Variants in MSH4 observed in about 807,000 individuals in gnomAD.
MSH4 encodes mutS protein homolog 4.
A neutral mutation model predicts 113.7 loss-of-function variants in MSH4; 106 were observed. The ratio of observed to expected loss-of-function variants is 0.93; its 90% CI spans 0.80 to 1.10. The LOEUF (loss-of-function observed/expected upper bound fraction) is 1.10. Among genes scored for constraint, MSH4 ranks in the 50% least tolerant of loss-of-function variants. The pLI is 0.00. For missense variants in MSH4, 1,061 were observed against 1,093.7 expected (o/e 0.97, Z 0.42); for synonymous variants, 368 against 380.2 (o/e 0.97, Z 0.37).
intron 4 of MSH4, among the ~76,000 whole-genome samples, chr1:75,814,181 G>T (rs1650247115): frequency 6.6e-6 from 1 of 151,150 alleles, no homozygotes; most frequent in Admixed American, 6.6e-5. Context: ...ACCGGGTGCT[G>T]ATGTCTCACA....
At chr1:75,871,458 C>G (rs1026316001) in intron 9 of MSH4, among the ~76,000 whole-genome samples, 1 of 151,960 alleles carries the variant, frequency 6.6e-6, no homozygotes, top group Admixed American at 6.6e-5. Context: ...GAAAATGACC[C>G]AAAGAAGGAA....
chr1:75,834,367 T>C (rs1170205879), intron 7 of MSH4, among the ~76,000 whole-genome samples: 1 of 152,194 alleles, frequency 6.6e-6, no homozygotes, highest in Non-Finnish European at 1.5e-5. Flanking sequence ...TGGAAGACAG[T>C]GTGGTGATTC....
chr1:75,878,618 A>C (rs772622033), intron 11 of MSH4, among the ~76,000 whole-genome samples: 6 of 152,170 alleles, frequency 3.9e-5, no homozygotes, highest in African/African-American at 1.4e-4. Flanking sequence ...AGCCTTGGCA[A>C]CATAGCTAGT....
In MSH4 at chr1:75,899,610, A is replaced by G. The variant is rs1266255541; in HGVS notation, c.2531-8A>G. ...TATTGAAGCCAAATTTAAAACAAAT[A>G]ATTCTAGGATTAAAAGCTGCAGAGG... On this transcript the variant is annotated splice_region_variant and splice_polypyrimidine_tract_variant and intron_variant, in intron 18 of 19. Coordinates refer to ENST00000263187, the MANE Select transcript of MSH4 (RefSeq NM_002440.4). The G allele has an allele frequency of 1.4e-6, 2 of 1,473,282 alleles. No individual in the cohort carries two copies. 91.3% of individuals were successfully genotyped at this position (1,473,282 alleles called of 1,614,324 possible).
chr1:75,906,342 G>C (rs191636516), intron 19 of MSH4, among the ~76,000 whole-genome samples: 1 of 138,646 alleles, frequency 7.2e-6, no homozygotes, highest in Non-Finnish European at 1.5e-5. Context: ...TTTGTTACTT[G>C]TTATCTGGTT....
At chr1:75,832,415 A>C (rs1057369238) in intron 7 of MSH4, among the ~76,000 whole-genome samples, 4 of 152,118 alleles carry the variant, frequency 2.6e-5, no homozygotes, top group Non-Finnish European at 4.4e-5. Flanking sequence ...AAAAGAGGGA[A>C]TCCTCCCTAA....
At chr1:75,824,365 G>C (rs1650497725) in intron 7 of MSH4, among the ~76,000 whole-genome samples, 1 of 152,154 alleles carries the variant, frequency 6.6e-6, no homozygotes, top group Non-Finnish European at 1.5e-5. Flanking sequence ...GTGGATTCTG[G>C]ATTTTAGAGC....
intron 7 of MSH4, among the ~76,000 whole-genome samples, chr1:75,829,076 A>T (rs1046584513): frequency 2.0e-5 from 3 of 151,984 alleles, no homozygotes; most frequent in Non-Finnish European, 4.4e-5. Flanking sequence ...AAATTGGGAC[A>T]CTCCCACCCT....
At chr1:75,880,024 A>T in intron 12 of MSH4, 26 bp from the exon 13 acceptor site, 1 of 1,144,686 alleles carries the variant, frequency 8.7e-7, no homozygotes, top group Non-Finnish European at 1.3e-6. Context: ...ATTTATCTTG[A>T]CATTTGTTTT....
chr1:75,907,324 TA>T (rs1177956113), intron 19 of MSH4, among the ~76,000 whole-genome samples: 1 of 152,102 alleles, frequency 6.6e-6, no homozygotes, highest in African/African-American at 2.4e-5. Context: ...TTGAATCTGT[TA>T]TTCCACTCCC....
intron 14 of MSH4, among the ~76,000 whole-genome samples, chr1:75,882,766 C>T (rs891010981): frequency 2.0e-5 from 3 of 151,470 alleles, no homozygotes; most frequent in African/African-American, 7.3e-5. Flanking sequence ...TGGCTTGAGC[C>T]CAGGAGTTTG....
chr1:75,912,582 A>G (rs985796110), intron 19 of MSH4, 114 bp from the exon 20 acceptor site: 1 of 549,256 alleles, frequency 1.8e-6, no homozygotes, highest in Non-Finnish European at 2.8e-6. Flanking sequence ...GAATTAGTTA[A>G]CCCTTGAGTT....
At chr1:75,896,371 A>G (rs1652383940) in intron 17 of MSH4, among the ~76,000 whole-genome samples, 1 of 149,784 alleles carries the variant, frequency 6.7e-6, no homozygotes, top group South Asian at 2.1e-4. Flanking sequence ...ACACACACAC[A>G]CACACACACA....
chr1:75,812,921 G>C (rs970951807), intron 4 of MSH4, among the ~76,000 whole-genome samples: 1 of 152,236 alleles, frequency 6.6e-6, no homozygotes, highest in South Asian at 2.1e-4. Flanking sequence ...TTAGTGTTTC[G>C]TTCAAGTCTT....
intron 6 of MSH4, 142 bp from the exon 7 acceptor site, chr1:75,822,267 A>G (rs1650434370): frequency 4.0e-6 from 2 of 497,448 alleles, no homozygotes; most frequent in Non-Finnish European, 6.7e-6. Flanking sequence ...CCATACTGGG[A>G]GAGAGAGCGA....
chr1:75,896,086 G>A (rs1451295139), intron 17 of MSH4, among the ~76,000 whole-genome samples: 1 of 151,996 alleles, frequency 6.6e-6, no homozygotes, highest in Non-Finnish European at 1.5e-5. Context: ...TTGAAAGCCT[G>A]AATAGAAGAA....
chr1:75,862,795 C>T (rs544473338), intron 8 of MSH4, among the ~76,000 whole-genome samples: 91 of 152,216 alleles, frequency 6.0e-4, no homozygotes, highest in Non-Finnish European at 1.1e-3. Context: ...GAACTAAATG[C>T]TTTCAGAAAA....
chr1:75,824,587 G>A (rs1414819339), intron 7 of MSH4, among the ~76,000 whole-genome samples: 1 of 152,158 alleles, frequency 6.6e-6, no homozygotes, highest in Non-Finnish European at 1.5e-5. Context: ...TTTTCTTCTA[G>A]GGTTTGTATG....
At chr1:75,832,426 C>A (rs1348928212) in intron 7 of MSH4, among the ~76,000 whole-genome samples, 2 of 152,192 alleles carry the variant, frequency 1.3e-5, no homozygotes, top group Non-Finnish European at 2.9e-5. Context: ...TCCTCCCTAA[C>A]TCATTTTATG....
Sources: gnomAD v4.1 joint callset for allele counts (sites outside exome capture counted in the v4.1 genomes callset) on GRCh38, gnomAD v4.1.1 for gene constraint, MANE v1.5 for transcripts, NCBI Gene and HGNC (gene_info 2026-07-23, HGNC 2026-07-21) for gene names.